A2M: variants seen among roughly 807,000 people sequenced by gnomAD.
A2M encodes the protein C3 and PZP-like alpha-2-macroglobulin domain-containing protein 5.
A neutral mutation model predicts 183.9 loss-of-function variants in A2M; 128 were observed. The observed-to-expected ratio is 0.70, with a 90% CI of 0.60 to 0.81. The LOEUF is 0.81. Ranked by LOEUF, A2M falls within the 30% of genes least tolerant of loss-of-function variation. The pLI, the probability that A2M is intolerant of heterozygous loss-of-function variation, is 0.00. For missense variants in A2M, 1,495 were observed against 1,787.6 expected (o/e 0.84, Z 2.95); for synonymous variants, 592 against 670.8 (o/e 0.88, Z 1.81).
intron 12 of A2M, 86 bp from the exon 13 acceptor site, chr12:9,101,293 C>G: frequency 7.0e-7 from 1 of 1,433,030 alleles, no homozygotes; most frequent in Non-Finnish European, 9.6e-7. Flanking sequence ...TTATTGAGTC[C>G]CTGCCGGCAA....
intron 25 of A2M, among the ~76,000 whole-genome samples, chr12:9,078,402 G>A (rs933027003): frequency 1.3e-5 from 2 of 152,192 alleles, no homozygotes; most frequent in Non-Finnish European, 2.9e-5. Context: ...AGTATTCCAT[G>A]ATGTATATGT....
chr12:9,114,177 CAATGGCTCCATCCAAA>C (rs1167380111), intron 1 of A2M, among the ~76,000 whole-genome samples: 1 of 152,188 alleles, frequency 6.6e-6, no homozygotes, highest in African/African-American at 2.4e-5. Flanking sequence ...CATGATTAGA[CAATGGCTCCATCCAAA>C]AATGGTCCTC....
chr12:9,076,987 G>A lies in A2M; in HGVS notation c.3352-51C>T, dbSNP rs1948767363. ...CTAAGCTATGTAAACAGGCATATTA[G>A]CATTCCCAGGCAAATACACGGATCA... On this transcript the variant is annotated intron_variant, in intron 27 of 35. Coordinates refer to ENST00000318602, the MANE Select transcript of A2M (RefSeq NM_000014.6). 2.0e-6 allele frequency: 3 copies of A among 1,481,738 alleles called. No individual in the cohort carries two copies. The Admixed American group carries it at 6.9e-5, about 34-fold the overall frequency. 91.8% of individuals were successfully genotyped at this position (1,481,738 alleles called of 1,614,324 possible).
At chr12:9,069,175 G>T in intron 33 of A2M, 1 of 181,792 alleles carries the variant, frequency 5.5e-6, no homozygotes, top group East Asian at 1.4e-4. Context: ...CTGTCTTGCA[G>T]GAATACTTGC....
intron 10 of A2M, 99 bp from the exon 11 acceptor site, chr12:9,104,499 C>A: frequency 1.5e-6 from 2 of 1,306,012 alleles, no homozygotes; most frequent in Non-Finnish European, 2.1e-6. Flanking sequence ...CTATGTTGAA[C>A]ATGGTTCCAG....
intron 31 of A2M, 71 bp downstream of exon 31, chr12:9,072,288 T>G: frequency 6.4e-7 from 1 of 1,556,952 alleles, no homozygotes. Flanking sequence ...ACTGCTTTAC[T>G]TAAAGAGGAG....
Position 9,106,754 on chromosome 12 carries a change from A to G in A2M, c.880-149T>C, listed in dbSNP as rs752651388. On this transcript the variant is annotated intron_variant, in intron 8 of 35. Transcript: ENST00000318602. ...ACACAATAAATATTCTCTAGCAACT[A>G]AATATTAAATTTCACAACAATATCT... The G allele has an allele frequency of 1.3e-5, 6 of 469,690 alleles. No individual in the cohort carries two copies. In the East Asian group the frequency reaches 1.5e-4, roughly 12 times the overall value. 29.1% of individuals were successfully genotyped at this position (469,690 alleles called of 1,614,324 possible).
intron 22 of A2M, among the ~76,000 whole-genome samples, chr12:9,083,328 A>G (rs1216989677): frequency 6.6e-6 from 1 of 152,084 alleles, no homozygotes; most frequent in African/African-American, 2.4e-5. Context: ...AACATGGCAC[A>G]TGTATACATA....
At chr12:9,111,360 T>C (rs1003428156) in intron 4 of A2M, among the ~76,000 whole-genome samples, 1 of 152,164 alleles carries the variant, frequency 6.6e-6, no homozygotes, top group Non-Finnish European at 1.5e-5. Flanking sequence ...AAAGCCAAGT[T>C]AGGCTGACAG....
At position 9,091,303 on chromosome 12, in the gene A2M, G is replaced by T; in HGVS notation, c.2367C>A (p.Phe789Leu). 1.9e-6 allele frequency: 3 copies of T among 1,614,178 alleles called. No individual in the cohort carries two copies. The highest frequency in any genetic ancestry group is 2.5e-6 in the Non-Finnish European group (3 of 1,180,030). The change falls in exon 19 of 36, where the codon TTC (phenylalanine) becomes TTA (leucine). Residue 789 changes from phenylalanine to leucine, a missense_variant. Coordinates refer to ENST00000318602, the MANE Select transcript of A2M (RefSeq NM_000014.6). ...GISSTASLRA[F>L]QPFFVELTMP... ...TTGTGAGCTCCACAAAGAAGGGCTG[G>T]AAGGCTCGGAGAGAGGCAGTGGAAG... is the stretch of plus-strand genomic sequence containing the variant.
intron 1 of A2M, chr12:9,115,432 G>T: frequency 5.3e-6 from 1 of 187,894 alleles, no homozygotes; most frequent in Non-Finnish European, 1.1e-5. Context: ...AATAGAAAAT[G>T]GACCCTTGAG....
In A2M at chr12:9,072,394, T is replaced by G; in HGVS notation, c.4068A>C (p.Lys1356Asn). ...GGGAGATTTGGAAGCTGGTGTGGGC[T>G]TTGGGTTCATCACAAGTTTGAGGCA... ...QTLPQTCDEP[K>N]AHTSFQISLS... is the part of the protein sequence containing the mutation. The change falls in exon 31 of 36, where the codon AAA (lysine) becomes AAC (asparagine). Residue 1356 changes from lysine (K) to asparagine (N), a missense_variant. Coordinates refer to ENST00000318602, the MANE Select transcript of A2M (RefSeq NM_000014.6). The G allele has an allele frequency of 6.2e-7, 1 of 1,613,930 alleles. No individual in the cohort carries two copies. Among genetic ancestry groups the G allele is most frequent in the Non-Finnish European group, 8.5e-7 (1 of 1,179,868 alleles).
intron 27 of A2M, 35 bp downstream of exon 27, chr12:9,077,311 A>G: frequency 6.3e-7 from 1 of 1,576,570 alleles, no homozygotes; most frequent in Admixed American, 1.7e-5. Context: ...TGCATCCAGA[A>G]CTCTCCTTCA....
At chr12:9,107,714 C>G (rs1938404569) in intron 7 of A2M, 70 bp from the exon 8 acceptor site, 2 of 1,569,530 alleles carry the variant, frequency 1.3e-6, no homozygotes, top group South Asian at 2.3e-5. Context: ...CTATTTATAT[C>G]TCCCCTTTAG....
intron 15 of A2M, among the ~76,000 whole-genome samples, chr12:9,097,948 G>A (rs1014280771): frequency 6.6e-6 from 1 of 152,100 alleles, no homozygotes. Context: ...TTATAAAAAC[G>A]GAAATCTGAT....
At chr12:9,110,381 C>A in intron 4 of A2M, 47 bp from the exon 5 acceptor site, 2 of 1,220,010 alleles carry the variant, frequency 1.6e-6, no homozygotes, top group South Asian at 1.6e-5. Flanking sequence ...TTCAAATATT[C>A]TTAAATCTCA....
At position 9,089,252 on chromosome 12, in the gene A2M, C is replaced by A; in HGVS notation, c.2719-1G>T. The A allele has an allele frequency of 6.3e-7, 1 of 1,580,204 alleles. No homozygotes were observed. Among genetic ancestry groups the A allele is most frequent in the South Asian group, 1.2e-5 (1 of 86,356 alleles). ...TTGTTTCCTTCTCTAGTCCTTCAGG[C>A]TTTAGGTAAAAGAAAGAAAAGCTAG... On this transcript the variant is annotated splice_acceptor_variant, in intron 21 of 35. Transcript: ENST00000318602. LOFTEE classifies it high-confidence loss of function.
intron 1 of A2M, among the ~76,000 whole-genome samples, chr12:9,114,006 T>C (rs1340775303): frequency 6.6e-6 from 1 of 152,144 alleles, no homozygotes. Flanking sequence ...CCTGTGAAAA[T>C]TGTATGGTAA....
At position 9,076,745 on chromosome 12, in the gene A2M, T is replaced by C; in HGVS notation, c.3532+11A>G. On this transcript the variant is annotated intron_variant, in intron 28 of 35. Coordinates refer to ENST00000318602, the MANE Select transcript of A2M (RefSeq NM_000014.6). ...GATGGGCCAGGAGAAGGATCTCAGG[T>C]GTGCTCTCACCTTTCTTCACAGCTT... 1.2e-6 allele frequency: 2 copies of C among 1,613,778 alleles called. No individual in the cohort carries two copies. The highest frequency in any genetic ancestry group is 1.7e-6 in the Non-Finnish European group (2 of 1,179,792).
Sources: gnomAD v4.1 joint callset for allele counts (sites outside exome capture counted in the v4.1 genomes callset) on GRCh38, gnomAD v4.1.1 for gene constraint, MANE v1.5 for transcripts, NCBI Gene and HGNC (gene_info 2026-07-23, HGNC 2026-07-21) for gene names.